PARP8: variants seen among roughly 807,000 people sequenced by gnomAD.
PARP8 encodes the protein protein mono-ADP-ribosyltransferase PARP8.
PARP8 carries 51 observed loss-of-function variants against 124.1 expected under a neutral mutation model. The ratio of observed to expected loss-of-function variants is 0.41; its 90% CI spans 0.33 to 0.52. The LOEUF (loss-of-function observed/expected upper bound fraction) is 0.52. PARP8 is among the 20% of genes least tolerant of loss of function. The pLI is 0.21. For missense variants in PARP8, 860 were observed against 1,018.9 expected, an observed-to-expected ratio of 0.84 and a Z score of 2.12; for synonymous variants, 391 against 361.5, an observed-to-expected ratio of 1.08 and a Z score of -0.93.
At chr5:50,689,929 A>AAAATGTTCC (rs1354001388) in intron 2 of PARP8, among the ~76,000 whole-genome samples, 1 of 152,182 alleles carries the variant, frequency 6.6e-6, no homozygotes, top group East Asian at 1.9e-4. Context: ...GGAACATTCC[A>AAAATGTTCC]CTGTACCTCA....
At chr5:50,683,317 A>T (rs1466910376) in intron 2 of PARP8, among the ~76,000 whole-genome samples, 1 of 152,204 alleles carries the variant, frequency 6.6e-6, no homozygotes, top group Non-Finnish European at 1.5e-5. Context: ...AGGATTAATT[A>T]AATTTAAAAG....
At chr5:50,802,824 A>C (rs1402427082) in intron 14 of PARP8, among the ~76,000 whole-genome samples, 2 of 152,204 alleles carry the variant, frequency 1.3e-5, no homozygotes, top group Non-Finnish European at 2.9e-5. Context: ...GTATCAATGT[A>C]TTATATCTAT....
At chr5:50,821,777 G>T (rs1455728903) in intron 16 of PARP8, among the ~76,000 whole-genome samples, 1 of 152,156 alleles carries the variant, frequency 6.6e-6, no homozygotes, top group Non-Finnish European at 1.5e-5. Flanking sequence ...TTACTACTCA[G>T]CTTGAAATAA....
chr5:50,775,877 A>G (rs555842862), intron 7 of PARP8, among the ~76,000 whole-genome samples: 22 of 152,242 alleles, frequency 1.4e-4, no homozygotes, highest in Middle Eastern at 3.4e-3. Context: ...TTAATTGGAT[A>G]TCCTTTATTT....
chr5:50,834,178 G>A (rs1747308736), intron 24 of PARP8, 130 bp downstream of exon 24: 4 of 712,844 alleles, frequency 5.6e-6, no homozygotes, highest in Middle Eastern at 4.3e-4. Flanking sequence ...ATCTCAAAGG[G>A]CACAAATGCA....
At chr5:50,709,657 G>T (rs1193552087) in intron 2 of PARP8, among the ~76,000 whole-genome samples, 2 of 151,696 alleles carry the variant, frequency 1.3e-5, no homozygotes, top group Non-Finnish European at 2.9e-5. Flanking sequence ...GTAGCCACAG[G>T]CTTACAGTGT....
intron 22 of PARP8, among the ~76,000 whole-genome samples, chr5:50,832,007 C>T (rs1747042772): frequency 6.6e-6 from 1 of 152,140 alleles, no homozygotes; most frequent in African/African-American, 2.4e-5. Flanking sequence ...AATCCAAGGC[C>T]TTCTCCTCAA....
At position 50,845,042 on chromosome 5, in the gene PARP8, C is replaced by T. The variant is rs1381422320; in HGVS notation, c.*2974C>T. The T allele has an allele frequency of 2.0e-5, 3 of 150,236 alleles. No individual in the cohort carries two copies. The highest frequency in any genetic ancestry group is 4.9e-5 in the African/African-American group (2 of 40,938). The allele number at this position is 150,236 out of a possible 1,614,324, so 9.3% of individuals were successfully genotyped here. A position where few individuals can be genotyped will look rare whatever the true frequency, so the allele number is the denominator to read the frequency against. On this transcript the variant is annotated 3_prime_UTR_variant, in exon 26 of 26. Transcript: ENST00000281631. The stretch of plus-strand genomic sequence containing the variant: ...AAAAGTGCCACATTGTAAAAGTTAC[C>T]GTTAAATACTATGTAGTATAAAAAA...
In PARP8 at chr5:50,770,130, C is replaced by A. The variant is rs1761455993; in HGVS notation, c.518+6888C>A. On this transcript the variant is annotated intron_variant, in intron 7 of 25. Coordinates refer to ENST00000281631, the MANE Select transcript of PARP8 (RefSeq NM_024615.4). ...GAATATTTTTGTATCGACTCCTTCA[C>A]TAATGGGTAATTTTTTCTCCTATCA... Among the ~76,000 whole-genome samples the A allele has an allele frequency of 3.3e-5, 5 of 152,212 alleles. No homozygotes were observed. In the South Asian group the frequency reaches 1.0e-3, roughly 32 times the overall value.
chr5:50,700,066 G>T (rs777866193), intron 2 of PARP8, among the ~76,000 whole-genome samples: 19 of 152,100 alleles, frequency 1.2e-4, no homozygotes, highest in Admixed American at 5.2e-4. Flanking sequence ...TAGGCATTCT[G>T]GTGAGAAACA....
At chr5:50,723,635 A>C (rs1418061046) in intron 2 of PARP8, among the ~76,000 whole-genome samples, 5 of 152,076 alleles carry the variant, frequency 3.3e-5, no homozygotes, top group African/African-American at 7.2e-5. Flanking sequence ...TTTTACAATT[A>C]GAGGAAAAAC....
At chr5:50,694,790 G>A (rs1357524648) in intron 2 of PARP8, among the ~76,000 whole-genome samples, 1 of 152,176 alleles carries the variant, frequency 6.6e-6, no homozygotes, top group Non-Finnish European at 1.5e-5. Flanking sequence ...GCCAGTCTGA[G>A]TCTCAAAACC....
chr5:50,669,345 CATT>C (rs1233651080), intron 2 of PARP8: 2 of 152,284 alleles, frequency 1.3e-5, no homozygotes, highest in East Asian at 3.9e-4. Context: ...TGGTCCTACA[CATT>C]ATATCTAAAG....
At chr5:50,675,931 C>G (rs1336668975) in intron 2 of PARP8, among the ~76,000 whole-genome samples, 1 of 152,086 alleles carries the variant, frequency 6.6e-6, no homozygotes, top group African/African-American at 2.4e-5. Flanking sequence ...GTAAATATTT[C>G]TAGTTTCTTA....
Position 50,700,870 on chromosome 5 carries a change from T to C in PARP8, c.146+32745T>C, listed in dbSNP as rs544547072. Among the ~76,000 whole-genome samples, 9 of 152,258 alleles carry C rather than the reference T, an allele frequency of 5.9e-5. No individual in the cohort carries two copies. In the South Asian group the frequency reaches 1.9e-3, roughly 32 times the overall value. On this transcript the variant is annotated intron_variant, in intron 2 of 25. Coordinates refer to ENST00000281631, the MANE Select transcript of PARP8 (RefSeq NM_024615.4). ...CCTTCTCTCAGGATAATCATTATGC[T>C]CGGTAATCCTCACCGTCATACTTGA... is the stretch of plus-strand genomic sequence containing the variant.
chr5:50,730,504 G>C (rs1027064423), intron 2 of PARP8, among the ~76,000 whole-genome samples: 1 of 152,106 alleles, frequency 6.6e-6, no homozygotes, highest in African/African-American at 2.4e-5. Flanking sequence ...CAGCAGCATC[G>C]GGTTAACCGC....
intron 2 of PARP8, among the ~76,000 whole-genome samples, chr5:50,673,082 A>G (rs1450954655): frequency 6.6e-6 from 1 of 152,180 alleles, no homozygotes; most frequent in African/African-American, 2.4e-5. Flanking sequence ...CTTTTATGTT[A>G]TATCACTTAT....
chr5:50,699,749 C>G (rs936396829), intron 2 of PARP8, among the ~76,000 whole-genome samples: 3 of 151,984 alleles, frequency 2.0e-5, no homozygotes, highest in African/African-American at 7.2e-5. Context: ...CTGAGATGGG[C>G]CAAGATGGGA....
chr5:50,793,546 T>C (rs1742193176), intron 10 of PARP8, among the ~76,000 whole-genome samples: 1 of 152,204 alleles, frequency 6.6e-6, no homozygotes, highest in South Asian at 2.1e-4. Context: ...CATTCTGCCT[T>C]ATGATATTAA....
Sources: gnomAD v4.1 joint callset for allele counts (sites outside exome capture counted in the v4.1 genomes callset) on GRCh38, gnomAD v4.1.1 for gene constraint, MANE v1.5 for transcripts, NCBI Gene and HGNC (gene_info 2026-07-23, HGNC 2026-07-21) for gene names.